The following R3HCC1L variants were observed in gnomAD, a reference collection of about 807,000 sequenced individuals.
R3HCC1L encodes R3H domain and coiled-coil containing 1 like.
A neutral mutation model predicts 59.9 loss-of-function variants in R3HCC1L; 51 were observed. The ratio of observed to expected loss-of-function variants is 0.85; its 90% CI spans 0.68 to 1.07. The LOEUF is 1.07. Among genes scored for constraint, R3HCC1L ranks in the 50% least tolerant of loss-of-function variants. R3HCC1L has a pLI of 0.00. For missense variants in R3HCC1L, 965 were observed against 933.0 expected (o/e 1.03, Z -0.45); for synonymous variants, 322 against 315.2 (o/e 1.02, Z -0.23).
intron 9 of R3HCC1L, among the ~76,000 whole-genome samples, chr10:98,237,439 G>T (rs1018503937): frequency 6.6e-6 from 1 of 152,160 alleles, no homozygotes; most frequent in Non-Finnish European, 1.5e-5. Context: ...TATATCACCT[G>T]TATCTCTACA....
intron 4 of R3HCC1L, among the ~76,000 whole-genome samples, chr10:98,200,119 C>T: frequency 6.6e-6 from 1 of 151,940 alleles, no homozygotes; most frequent in East Asian, 1.9e-4. Flanking sequence ...TTTGATTCTG[C>T]CAGAATCAAA....
intron 4 of R3HCC1L, among the ~76,000 whole-genome samples, chr10:98,192,391 A>G (rs1850961096): frequency 6.6e-6 from 1 of 152,156 alleles, no homozygotes; most frequent in African/African-American, 2.4e-5. Flanking sequence ...AAGATCAATA[A>G]AATTGACAAA....
chr10:98,176,802 T>C (rs1849069370), intron 4 of R3HCC1L, among the ~76,000 whole-genome samples: 1 of 152,134 alleles, frequency 6.6e-6, no homozygotes, highest in African/African-American at 2.4e-5. Context: ...GGAGAGCATT[T>C]GGTTCTTCAT....
chr10:98,186,490 T>C (rs1850234483), intron 4 of R3HCC1L: 6 of 981,810 alleles, frequency 6.1e-6, no homozygotes, highest in Admixed American at 6.2e-5. Context: ...GCATTTGGTG[T>C]GGTGGATCTT....
intron 4 of R3HCC1L, among the ~76,000 whole-genome samples, chr10:98,191,281 G>A (rs913587018): frequency 6.6e-6 from 1 of 152,180 alleles, no homozygotes; most frequent in Non-Finnish European, 1.5e-5. Flanking sequence ...CAGTGTAAAA[G>A]CATTCCTATT....
chr10:98,135,462 T>C (rs1409809484), intron 1 of R3HCC1L, among the ~76,000 whole-genome samples: 2 of 152,218 alleles, frequency 1.3e-5, no homozygotes, highest in South Asian at 2.1e-4. Context: ...AGAAGTGATA[T>C]TCCTGCGAAA....
Position 98,239,859 on chromosome 10 carries a change from G to A in R3HCC1L, c.2269+3695G>A, listed in dbSNP as rs1243579280. Among the ~76,000 whole-genome samples, 3 of 152,052 alleles carry A rather than the reference G, an allele frequency of 2.0e-5. No individual in the cohort carries two copies. The East Asian group carries it at 5.8e-4, about 30-fold the overall frequency. Reference sequence around the variant, plus strand: ...ACTACAGGCATGTGCCACCATGCTGGCTAATTTTTTCCTTTTAGTAGTGAT... The same window carrying A: ...ACTACAGGCATGTGCCACCATGCTGACTAATTTTTTCCTTTTAGTAGTGAT... On this transcript the variant is annotated intron_variant, in intron 9 of 9. Transcript: ENST00000298999.
chr10:98,230,398 G>A (rs1001114165), intron 5 of R3HCC1L, among the ~76,000 whole-genome samples: 2 of 152,146 alleles, frequency 1.3e-5, no homozygotes, highest in Admixed American at 1.3e-4. Context: ...TCTGATGGTA[G>A]TTTGTATTTC....
intron 4 of R3HCC1L, among the ~76,000 whole-genome samples, chr10:98,193,746 T>C (rs567209807): frequency 6.6e-6 from 1 of 152,294 alleles, no homozygotes; most frequent in African/African-American, 2.4e-5. Flanking sequence ...GTATGACCTT[T>C]GAGCACTGTC....
chr10:98,195,261 G>A (rs1851296672), intron 4 of R3HCC1L, among the ~76,000 whole-genome samples: 1 of 152,078 alleles, frequency 6.6e-6, no homozygotes, highest in Non-Finnish European at 1.5e-5. Flanking sequence ...GGTATCTAAA[G>A]GAATTAAACT....
rs557672219 is a variant in R3HCC1L, at chr10:98,143,891, A to G, written c.-268+9185A>G. Among the ~76,000 whole-genome samples, 22 of 152,300 alleles carry G rather than the reference A, an allele frequency of 1.4e-4. No homozygotes were observed. In the South Asian group the frequency reaches 4.2e-3, roughly 29 times the overall value. ...TACAACCATATTTTCACCACCTTGA[A>G]GTAACTGTTAACATTGGGGTTTATT... On this transcript the variant is annotated intron_variant, in intron 1 of 9. Transcript: ENST00000298999.
chr10:98,160,744 T>C (rs965135838), intron 2 of R3HCC1L, among the ~76,000 whole-genome samples: 1 of 152,192 alleles, frequency 6.6e-6, no homozygotes, highest in Admixed American at 6.5e-5. Flanking sequence ...TCTACAAAAA[T>C]GTTTATACTC....
intron 5 of R3HCC1L, among the ~76,000 whole-genome samples, chr10:98,213,136 A>G (rs113399412): frequency 0.012 from 1,840 of 152,300 alleles, 41 homozygotes; most frequent in African/African-American, 0.041. Flanking sequence ...TCCAGTCACT[A>G]AAAGCAAATT....
rs187795607 is a variant in R3HCC1L at position 98,209,566 on chromosome 10, C to G, written c.1452C>G (p.Asn484Lys). The G allele has an allele frequency of 2.6e-5, 42 of 1,613,944 alleles. No individual in the cohort carries two copies. The African/African-American group carries it at 5.1e-4, about 19-fold the overall frequency. ...PIKKIAGSNY[N>K]TFLDSELSML... is the part of the protein sequence containing the mutation. ...AAAAGATTGCTGGTAGTAATTATAA[C>G]ACTTTTTTGGACTCTGAACTCAGTA... is the stretch of plus-strand genomic sequence containing the variant. The change falls in exon 5 of 10, where the codon AAC becomes AAG. Residue 484 changes from asparagine (N) to lysine (K), a missense_variant. Asn to Lys is a moderately conservative substitution (Grantham distance 94). Transcript: ENST00000298999.
chr10:98,172,187 G>A (rs1264278060), intron 4 of R3HCC1L, among the ~76,000 whole-genome samples: 1 of 152,042 alleles, frequency 6.6e-6, no homozygotes, highest in African/African-American at 2.4e-5. Flanking sequence ...ACACTCCACG[G>A]GATATACACG....
Position 98,164,342 on chromosome 10 carries a change from AAG to A in R3HCC1L, c.-15+950_-15+951del, listed in dbSNP as rs201372297. 9.7e-3 allele frequency among the ~76,000 whole-genome samples: 1,477 copies of A among 152,302 alleles called. 26 individuals are homozygous for A. Among genetic ancestry groups the A allele is most frequent in the African/African-American group, 0.032 (1,346 of 41,558 alleles). ...GATGAGGAACTATAGGCACAGAAAA[AAG>A]AGAGGAACAAGATTATCCTTAGATT... is the stretch of plus-strand genomic sequence containing the variant. On this transcript the variant is annotated intron_variant, in intron 4 of 9. Transcript: ENST00000298999.
intron 5 of R3HCC1L, among the ~76,000 whole-genome samples, chr10:98,228,408 T>C (rs1161292250): frequency 6.6e-6 from 1 of 152,250 alleles, no homozygotes; most frequent in Non-Finnish European, 1.5e-5. Context: ...TTCATATCCT[T>C]CGCCCACTTG....
At chr10:98,155,810 T>TG (rs1050473032) in intron 1 of R3HCC1L, among the ~76,000 whole-genome samples, 3 of 151,958 alleles carry the variant, frequency 2.0e-5, no homozygotes, top group African/African-American at 7.2e-5. Flanking sequence ...TGGTTTTTTT[T>TG]TTTTCATTAT....
At chr10:98,235,326 A>C in intron 7 of R3HCC1L, 99 bp from the exon 8 acceptor site, 1 of 1,026,558 alleles carries the variant, frequency 9.7e-7, no homozygotes, top group South Asian at 1.5e-5. Flanking sequence ...TGCTTTGAAA[A>C]AAAAGCATAA....
Sources: gnomAD v4.1 joint callset for allele counts (sites outside exome capture counted in the v4.1 genomes callset) on GRCh38, gnomAD v4.1.1 for gene constraint, MANE v1.5 for transcripts, NCBI Gene and HGNC (gene_info 2026-07-23, HGNC 2026-07-21) for gene names.